MX2: variants seen among roughly 807,000 people sequenced by gnomAD.
MX2 encodes the protein interferon-induced GTP-binding protein Mx2.
Under a neutral mutation model 74.0 loss-of-function variants are expected in MX2, and 51 were observed. The ratio of observed to expected loss-of-function variants is 0.69; its 90% CI spans 0.55 to 0.87. MX2 has a LOEUF of 0.87. Ranked by LOEUF, MX2 falls within the 40% of genes least tolerant of loss-of-function variation. The pLI is 0.00. For missense variants in MX2, 832 were observed against 908.7 expected, an observed-to-expected ratio of 0.92 and a Z score of 1.09; for synonymous variants, 369 against 339.3, an observed-to-expected ratio of 1.09 and a Z score of -0.96.
At chr21:41,387,004 C>T (rs981395161) in intron 5 of MX2, among the ~76,000 whole-genome samples, 1 of 152,198 alleles carries the variant, frequency 6.6e-6, no homozygotes. Context: ...AGAACAACAA[C>T]AACAACAAAA....
In MX2 at chr21:41,408,015, C is replaced by G. The variant is rs763829601; in HGVS notation, c.1930C>G (p.Gln644Glu). The change falls in exon 14 of 14, where the codon CAG (glutamine) becomes GAG (glutamate). Residue 644 changes from glutamine to glutamate, a missense_variant. By Grantham distance (29) the Gln-to-Glu change is conservative. Coordinates refer to ENST00000330714, the MANE Select transcript of MX2 (RefSeq NM_002463.2). ...GGAAACCAGCAAACGTCTCGCCAAC[C>G]AGATCCCATTTATAATTCAGTATTT... ...FLETSKRLAN[Q>E]IPFIIQYFML... 6.2e-7 allele frequency: 1 copy of G among 1,614,056 alleles called. No homozygotes were observed. Among genetic ancestry groups the G allele is most frequent in the African/African-American group, 1.3e-5 (1 of 74,912 alleles).
rs1192785292 is a variant in MX2, at chr21:41,406,834, C to G, written c.1741C>G (p.Gln581Glu). ...QFRMEQMVFC[Q>E]DQIYSVVLKK... ...CAGAATGGAGCAGATGGTTTTTTGT[C>G]AAGATCAGATTTACAGTGTTGTTCT... The change falls in exon 13 of 14, where the codon CAA (glutamine) becomes GAA (glutamate). Residue 581 changes from glutamine (Q) to glutamate (E), a missense_variant. Transcript: ENST00000330714. The G allele has an allele frequency of 6.2e-7, 1 of 1,614,182 alleles. No individual in the cohort carries two copies. The highest frequency in any genetic ancestry group is 2.2e-5 in the East Asian group (1 of 44,884).
At chr21:41,374,194 A>C (rs2089367092) in intron 1 of MX2, 1 of 152,296 alleles carries the variant, frequency 6.6e-6, no homozygotes. Context: ...TCTAGATGTG[A>C]AAACTGACAC....
chr21:41,398,415 C>T (rs1373149387), intron 8 of MX2, among the ~76,000 whole-genome samples: 1 of 152,192 alleles, frequency 6.6e-6, no homozygotes, highest in Non-Finnish European at 1.5e-5. Flanking sequence ...CAGACAAGGG[C>T]CTCATGACAT....
At position 41,376,744 on chromosome 21, in the gene MX2, G is replaced by T. The variant is rs1446544297; in HGVS notation, c.-71-92G>T. 9 of 920,144 alleles carry T rather than the reference G, an allele frequency of 9.8e-6. No individual in the cohort carries two copies. The Admixed American group carries it at 1.6e-4, about 16-fold the overall frequency. 57.0% of individuals were successfully genotyped at this position (920,144 alleles called of 1,614,324 possible). On this transcript the variant is annotated intron_variant, in intron 1 of 13. Coordinates refer to ENST00000330714, the MANE Select transcript of MX2 (RefSeq NM_002463.2). ...TGCATCTGTGTGTAGGGGGTAGGTTGTAGGGTGGGGTGAGGAGGGGTTGGC... is the reference window on the plus strand; with the variant it reads ...TGCATCTGTGTGTAGGGGGTAGGTTTTAGGGTGGGGTGAGGAGGGGTTGGC...
At position 41,397,749 on chromosome 21, in the gene MX2, T is replaced by G. The variant is rs1014546712; in HGVS notation, c.1149+58T>G. The stretch of plus-strand genomic sequence containing the variant: ...ATACAGCATGCCCAAGTCACTCTCT[T>G]GGTCTGGAGTTGGCTAAGATGCCCC... On this transcript the variant is annotated intron_variant, in intron 8 of 13. Coordinates refer to ENST00000330714, the MANE Select transcript of MX2 (RefSeq NM_002463.2). 7.4e-6 allele frequency: 11 copies of G among 1,492,352 alleles called. No individual in the cohort carries two copies. In the African/African-American group the frequency reaches 1.5e-4, roughly 21 times the overall value. The allele number at this position is 1,492,352 out of a possible 1,614,324, so 92.4% of individuals were successfully genotyped here. A position where few individuals can be genotyped will look rare whatever the true frequency, so the allele number is the denominator to read the frequency against.
intron 1 of MX2, among the ~76,000 whole-genome samples, chr21:41,376,350 A>G (rs2089401320): frequency 6.6e-6 from 1 of 152,196 alleles, no homozygotes; most frequent in Non-Finnish European, 1.5e-5. Flanking sequence ...CCTGAGCAAC[A>G]TGGCAAAAAA....
In MX2 at chr21:41,406,838, ATCAGATTT is replaced by A. The variant is rs1377827716; in HGVS notation, c.1746_1753del (p.Asp582GlufsTer14). On this transcript the variant is annotated frameshift_variant, in exon 13 of 14. Transcript: ENST00000330714. LOFTEE classifies it high-confidence loss of function. ...ATGGAGCAGATGGTTTTTTGTCAAG[ATCAGATTT>A]ACAGTGTTGTTCTGAAGAAAGTCCG... 2.5e-6 allele frequency: 4 copies of A among 1,614,248 alleles called. No homozygotes were observed. In the Admixed American group the frequency reaches 6.7e-5, roughly 27 times the overall value.
Position 41,402,020 on chromosome 21 carries a change from G to A in MX2, c.1465G>A (p.Gly489Ser). The change falls in exon 11 of 14, where the codon GGC (glycine) becomes AGC (serine). Residue 489 changes from glycine (G) to serine (S), a missense_variant. By Grantham distance (56) the Gly-to-Ser change is moderately conservative. Coordinates refer to ENST00000330714, the MANE Select transcript of MX2 (RefSeq NM_002463.2). The surrounding 1 kb of genome is among the most constrained non-coding windows in gnomAD (Gnocchi z 4.5). Reference sequence around the variant, plus strand: ...TGAAAAATATGAAAAGCAGTATCGAGGCAAGGAGCTTCTGGGATTTGTCAA... The same window carrying A: ...TGAAAAATATGAAAAGCAGTATCGAAGCAAGGAGCTTCTGGGATTTGTCAA... ...EVEKYEKQYR[G>S]KELLGFVNYK... The A allele has an allele frequency of 6.2e-7, 1 of 1,614,116 alleles. No homozygotes were observed. The highest frequency in any genetic ancestry group is 8.5e-7 in the Non-Finnish European group (1 of 1,180,018).
chr21:41,385,828 C>G (rs1244430405), intron 5 of MX2, among the ~76,000 whole-genome samples: 1 of 151,954 alleles, frequency 6.6e-6, no homozygotes. Flanking sequence ...TAAAAACATC[C>G]AAAATTGATA....
chr21:41,383,410 C>G (rs2089524987), intron 5 of MX2, among the ~76,000 whole-genome samples: 1 of 152,230 alleles, frequency 6.6e-6, no homozygotes, highest in Non-Finnish European at 1.5e-5. Context: ...ATAGTCCTCG[C>G]TCAGGTGCCT....
At chr21:41,407,030 T>G (rs2089896301) in intron 13 of MX2, 32 bp downstream of exon 13, 1 of 1,598,380 alleles carries the variant, frequency 6.3e-7, no homozygotes, top group African/African-American at 1.3e-5. Context: ...AGCCGTGCTC[T>G]CTGAAATTTG....
rs367811279 is a variant in MX2 at position 41,377,992 on chromosome 21, C to A, written c.442+11C>A. ...TTCCCAGAGGCAGCGGTAAGTTCAA[C>A]GGACCACCTTCCCTCCGCAGCAAGC... is the stretch of plus-strand genomic sequence containing the variant. On this transcript the variant is annotated intron_variant, in intron 3 of 13. Coordinates refer to ENST00000330714, the MANE Select transcript of MX2 (RefSeq NM_002463.2). 1.9e-6 allele frequency: 3 copies of A among 1,609,232 alleles called. No homozygotes were observed.
Position 41,382,440 on chromosome 21 carries a change from G to A in MX2, c.608G>A (p.Gly203Asp). 5.0e-6 allele frequency: 8 copies of A among 1,614,082 alleles called. No individual in the cohort carries two copies. Among genetic ancestry groups the A allele is most frequent in the Non-Finnish European group, 6.8e-6 (8 of 1,180,044 alleles). The stretch of plus-strand genomic sequence containing the variant: ...AACGTCATGGCCGGGAATGGCCGGG[G>A]CATCAGCCATGAGCTCATCAGCCTG... ...AQNVMAGNGR[G>D]ISHELISLEI... is the part of the protein sequence containing the mutation. The change falls in exon 5 of 14, where the codon GGC (glycine) becomes GAC (aspartate). Residue 203 changes from glycine to aspartate, a missense_variant. Transcript: ENST00000330714.
intron 4 of MX2, among the ~76,000 whole-genome samples, chr21:41,381,765 C>CCT (rs1203180574): frequency 2.6e-5 from 4 of 152,096 alleles, no homozygotes; most frequent in Non-Finnish European, 5.9e-5. Flanking sequence ...CTTGGAACCC[C>CCT]CTCCACTGCT....
At chr21:41,391,977 C>A (rs1171692848) in intron 6 of MX2, among the ~76,000 whole-genome samples, 1 of 152,204 alleles carries the variant, frequency 6.6e-6, no homozygotes, top group Non-Finnish European at 1.5e-5. Context: ...CTGATCCTCT[C>A]CCTCCTCCAC....
rs1409589044 is a variant in MX2 at position 41,377,065 on chromosome 21, G to A, written c.159G>A (p.Glu53=). ...MMFPPNWQGA[E]KDAAFLAKDF... is the part of the protein sequence containing the mutation. ...TTCCTCCAAACTGGCAGGGGGCAGA[G>A]AAGGACGCTGCTTTCCTCGCCAAGG... The change falls in exon 2 of 14, where the codon GAG becomes GAA. Residue 53 remains glutamate, a synonymous_variant. Transcript: ENST00000330714. 3 of 1,614,224 alleles carry A rather than the reference G, an allele frequency of 1.9e-6. No homozygotes were observed. Among genetic ancestry groups the A allele is most frequent in the Admixed American group, 3.3e-5 (2 of 60,026 alleles).
chr21:41,397,781 C>T, intron 8 of MX2, 90 bp downstream of exon 8: 1 of 1,130,544 alleles, frequency 8.8e-7, no homozygotes, highest in South Asian at 1.3e-5. Context: ...CCCCACTGAT[C>T]TGTCCAAACA....
At chr21:41,391,628 C>T (rs952922363) in intron 6 of MX2, among the ~76,000 whole-genome samples, 3 of 152,036 alleles carry the variant, frequency 2.0e-5, no homozygotes, top group South Asian at 2.1e-4. Flanking sequence ...GTGATCCACC[C>T]GCCTCAGCCT....
Sources: allele counts gnomAD v4.1 joint callset (sites outside exome capture counted in the v4.1 genomes callset), GRCh38; gene constraint gnomAD v4.1.1; non-coding constraint Gnocchi (gnomAD v3.1); transcripts MANE v1.5; gene names NCBI Gene and HGNC (gene_info 2026-07-23, HGNC 2026-07-21).